The following PPCS variants were observed in gnomAD, a reference collection of about 807,000 sequenced individuals.
PPCS encodes phosphopantothenate--cysteine ligase.
PPCS carries 17 observed loss-of-function variants against 24.6 expected under a neutral mutation model. The observed-to-expected ratio is 0.69, with a 90% CI of 0.47 to 1.04. The LOEUF is 1.04. Ranked by LOEUF, PPCS falls within the 50% of genes least tolerant of loss-of-function variation. PPCS has a pLI of 0.00. For missense variants in PPCS, 360 were observed against 402.8 expected, an observed-to-expected ratio of 0.89 and a Z score of 0.91; for synonymous variants, 190 against 168.3, an observed-to-expected ratio of 1.13 and a Z score of -1.00.
Position 42,456,667 on chromosome 1 carries a change from C to T in PPCS, c.102C>T (p.Gly34=). 1 of 1,601,546 alleles carries T rather than the reference C, an allele frequency of 6.2e-7. No homozygotes were observed. The highest frequency in any genetic ancestry group is 8.5e-7 in the Non-Finnish European group (1 of 1,176,118). Residue 34 remains glycine, a synonymous_variant, in exon 1 of 3, where the codon GGC becomes GGT. Coordinates refer to ENST00000372561, the MANE Select transcript of PPCS (RefSeq NM_024664.4). ...ARFAARLGAQ[G]RRVVLVTSGG... is the part of the protein sequence containing the mutation. ...TCGCGGCCAGGCTGGGCGCGCAGGG[C>T]CGGCGGGTGGTGTTGGTTACGTCAG...
At chr1:42,461,481 G>A (rs1424748426), downstream of PPCS, among the ~76,000 whole-genome samples, 1 of 151,760 alleles carries the variant, frequency 6.6e-6, no homozygotes, top group African/African-American at 2.4e-5. Context: ...GACTACAGGT[G>A]TGTGCCACCA....
At chr1:42,461,950 T>G (rs762615442), downstream of PPCS, among the ~76,000 whole-genome samples, 26 of 152,202 alleles carry the variant, frequency 1.7e-4, no homozygotes, top group Non-Finnish European at 2.9e-5. Flanking sequence ...GGGCAAGAAG[T>G]AGAATATGTT....
intron 2 of PPCS, among the ~76,000 whole-genome samples, chr1:42,468,068 A>G (rs932716792): frequency 6.6e-6 from 1 of 152,202 alleles, no homozygotes; most frequent in African/African-American, 2.4e-5. Context: ...ATTCCTGTGT[A>G]GCCACATTTA....
rs200227043 is a variant in PPCS, at chr1:42,457,292, A to G, written c.554A>G (p.Tyr185Cys). 7 of 1,614,112 alleles carry G rather than the reference A, an allele frequency of 4.3e-6. No individual in the cohort carries two copies. Among genetic ancestry groups the G allele is most frequent in the Non-Finnish European group, 5.1e-6 (6 of 1,180,028 alleles). ...FYLAAAVSDF[Y>C]VPVSEMPEHK... Reference sequence around the variant, plus strand: ...CTGGCTGCGGCTGTGTCAGATTTCTATGTTCCTGTCTCTGAAATGCCTGAA... The same window carrying G: ...CTGGCTGCGGCTGTGTCAGATTTCTGTGTTCCTGTCTCTGAAATGCCTGAA... The change falls in exon 2 of 3, where the codon TAT becomes TGT. Residue 185 changes from tyrosine to cysteine, a missense_variant. Tyr to Cys is a radical substitution (Grantham distance 194, BLOSUM62 -2). Around this residue, in one of 2 missense-constraint regions of PPCS, gnomAD observed 116 missense variants for 168.1 expected, o/e 0.69. Transcript: ENST00000372561.
chr1:42,472,724 A>C (rs1643811591), intron 2 of PPCS, among the ~76,000 whole-genome samples: 1 of 152,074 alleles, frequency 6.6e-6, no homozygotes, highest in Non-Finnish European at 1.5e-5. Context: ...ACAGTTGTTC[A>C]AAGCTTACAT....
rs1401177938 is a variant in PPCS, at chr1:42,460,170, A to G, written c.*244A>G. ...AAAAGAAGAGCTTATTGGGAATTAT[A>G]TATTCCTTAAAATATACATGGGGGC... On this transcript the variant is annotated 3_prime_UTR_variant, in exon 3 of 3. Coordinates refer to ENST00000372561, the MANE Select transcript of PPCS (RefSeq NM_024664.4). 2.5e-6 allele frequency: 3 copies of G among 1,213,556 alleles called. No individual in the cohort carries two copies. The highest frequency in any genetic ancestry group is 4.0e-5 in the Admixed American group (1 of 24,916). 75.2% of individuals were successfully genotyped at this position (1,213,556 alleles called of 1,614,324 possible). A position where few individuals can be genotyped will look rare whatever the true frequency, so the allele number is the denominator to read the frequency against.
chr1:42,464,995 C>G (rs1569651788), downstream of PPCS, among the ~76,000 whole-genome samples: 1 of 152,172 alleles, frequency 6.6e-6, no homozygotes, highest in Non-Finnish European at 1.5e-5. Context: ...TAAATTGGAA[C>G]TGGATAAAAC....
intron 2 of PPCS, chr1:42,467,705 G>A (rs1048458586): frequency 6.6e-6 from 1 of 152,208 alleles, no homozygotes; most frequent in African/African-American, 2.4e-5. Context: ...TGCTTAAAGA[G>A]TAGGCCCTCA....
At chr1:42,456,459 T>C, upstream of PPCS, 1 of 1,188,648 alleles carries the variant, frequency 8.4e-7, no homozygotes, top group Non-Finnish European at 1.1e-6. Flanking sequence ...AAAAGAAGGG[T>C]AGTGAACCGC....
downstream of PPCS, among the ~76,000 whole-genome samples, chr1:42,465,940 TAC>T (rs916631128): frequency 1.3e-5 from 2 of 152,274 alleles, no homozygotes; most frequent in Non-Finnish European, 2.9e-5. Flanking sequence ...TGTACATTTT[TAC>T]ATAGTTATGT....
Position 42,456,967 on chromosome 1 carries a change from C to G in PPCS, c.402C>G (p.Ser134Arg), listed in dbSNP as rs759078492. The change falls in exon 1 of 3, where the codon AGC (serine) becomes AGG (arginine). Residue 134 changes from serine to arginine, a missense_variant. Coordinates refer to ENST00000372561, the MANE Select transcript of PPCS (RefSeq NM_024664.4). ...CGGGTTTTGCTGAGGCTCTGAGGAG[C>G]TACCAGGAGGCTGCGGCTGCAGGCA... The part of the protein sequence containing the change: ...ALPGFAEALR[S>R]YQEAAAAGTF... The G allele has an allele frequency of 6.2e-7, 1 of 1,604,082 alleles. No homozygotes were observed. The highest frequency in any genetic ancestry group is 2.2e-5 in the East Asian group (1 of 44,882).
chr1:42,459,577 A>C (rs1235662051), intron 2 of PPCS, 26 bp from the exon 3 acceptor site: 2 of 1,593,202 alleles, frequency 1.3e-6, no homozygotes, highest in African/African-American at 2.7e-5. Context: ...TTGTTTGCTT[A>C]TTAAGCTTTT....
At chr1:42,473,356 C>A in exon 3 of PPCS, 1 of 1,012,326 alleles carries the variant, frequency 9.9e-7, no homozygotes, top group South Asian at 5.0e-5. Context: ...TGTTCATTGC[C>A]CTTCATTAAA....
In PPCS at chr1:42,456,738, A is replaced by G. The variant is rs989308208; in HGVS notation, c.173A>G (p.Asp58Gly). The part of the protein sequence containing the change: ...PLEARPVRFL[D>G]NFSSGRRGAT... ...GAAGCGCGGCCGGTGCGCTTCCTGG[A>G]CAACTTCAGCAGCGGGCGGCGCGGT... The change falls in exon 1 of 3, where the codon GAC becomes GGC. Residue 58 changes from aspartate to glycine, a missense_variant. Physicochemically the swap from Asp to Gly is moderately conservative, Grantham distance 94 (BLOSUM62 -1). Transcript: ENST00000372561. 10 of 1,610,938 alleles carry G rather than the reference A, an allele frequency of 6.2e-6. No individual in the cohort carries two copies. The highest frequency in any genetic ancestry group is 8.5e-6 in the Non-Finnish European group (10 of 1,179,440).
At chr1:42,457,521 G>A (rs888156633) in intron 2 of PPCS, 171 bp downstream of exon 2, 1 of 626,802 alleles carries the variant, frequency 1.6e-6, no homozygotes, top group South Asian at 1.9e-5. Context: ...TGAGGGAGCT[G>A]GACACAGACA....
In PPCS at chr1:42,460,092, T is replaced by A. The variant is rs1289780042; in HGVS notation, c.*166T>A. 1.5e-6 allele frequency: 2 copies of A among 1,378,654 alleles called. No individual in the cohort carries two copies. The highest frequency in any genetic ancestry group is 5.2e-5 in the East Asian group (2 of 38,686). The allele number at this position is 1,378,654 out of a possible 1,614,324, so 85.4% of individuals were successfully genotyped here. On this transcript the variant is annotated 3_prime_UTR_variant, in exon 3 of 3. Coordinates refer to ENST00000372561, the MANE Select transcript of PPCS (RefSeq NM_024664.4). ...GCATTTGTCTTTTAATGACACCTGA[T>A]ATGATGTCATTTTGATTTTGAAATT...
rs2148417412 is a variant in PPCS, at chr1:42,457,567, G to A, written c.612+217G>A. 7 of 579,614 alleles carry A rather than the reference G, an allele frequency of 1.2e-5. No individual in the cohort carries two copies. The South Asian group carries it at 1.4e-4, about 12-fold the overall frequency. 35.9% of individuals were successfully genotyped at this position (579,614 alleles called of 1,614,324 possible). On this transcript the variant is annotated intron_variant, in intron 2 of 2. Transcript: ENST00000372561. ...ACAGAGTGATAAATGCTCTAGTGGA[G>A]GTATGTACAAAGTGCAGTCAGATCA...
chr1:42,469,630 G>A (rs1001073181), intron 2 of PPCS, among the ~76,000 whole-genome samples: 9 of 152,304 alleles, frequency 5.9e-5, no homozygotes, highest in Admixed American at 2.0e-4. Context: ...GAAGCAGTAT[G>A]GGATGGGGCC....
At chr1:42,463,333 G>A (rs542830685), downstream of PPCS, 6 of 152,366 alleles carry the variant, frequency 3.9e-5, no homozygotes, top group African/African-American at 1.2e-4. Flanking sequence ...GCAGCTGAGC[G>A]CGTAGGGGCC....
Sources: gnomAD v4.1 joint callset for allele counts (sites outside exome capture counted in the v4.1 genomes callset) on GRCh38, gnomAD v4.1.1 for gene constraint, gnomAD v4.1.1 regional missense constraint, MANE v1.5 for transcripts, NCBI Gene and HGNC (gene_info 2026-07-23, HGNC 2026-07-21) for gene names.